The following MFAP5 variants were observed in gnomAD, a reference collection of about 807,000 sequenced individuals.
MFAP5 encodes microfibril associated protein 5.
MFAP5 carries 19 observed loss-of-function variants against 30.1 expected under a neutral mutation model. The observed-to-expected ratio is 0.63, with a 90% confidence interval of 0.44 to 0.93. MFAP5 has a LOEUF of 0.93. Among genes scored for constraint, MFAP5 ranks in the 40% least tolerant of loss-of-function variants. The pLI is 0.00. For missense variants in MFAP5, 210 were observed against 221.3 expected, an observed-to-expected ratio of 0.95 and a Z score of 0.32; for synonymous variants, 92 against 72.9, an observed-to-expected ratio of 1.26 and a Z score of -1.33.
At chr12:8,653,138 G>A (rs1301642248) in intron 6 of MFAP5, among the ~76,000 whole-genome samples, 2 of 150,918 alleles carry the variant, frequency 1.3e-5, no homozygotes, top group South Asian at 2.1e-4. Flanking sequence ...GTTGCAGTGA[G>A]CCAAGATCGC....
At chr12:8,654,153 C>A in intron 6 of MFAP5, 2 of 283,228 alleles carry the variant, frequency 7.1e-6, no homozygotes, top group Non-Finnish European at 6.5e-6. Flanking sequence ...AAAATTCAGT[C>A]AAAGCATTAC....
intron 6 of MFAP5, 158 bp from the exon 7 acceptor site, chr12:8,651,849 AG>A: frequency 1.5e-6 from 1 of 656,198 alleles, no homozygotes; most frequent in East Asian, 2.7e-5. Context: ...ACCCTTATTG[AG>A]CTGATTTGCT....
At chr12:8,656,291 G>A (rs371572388) in intron 3 of MFAP5, among the ~76,000 whole-genome samples, 10 of 151,562 alleles carry the variant, frequency 6.6e-5, no homozygotes, top group African/African-American at 2.2e-4. Context: ...CTCGTGAACC[G>A]CCCCCCTCGG....
chr12:8,650,621 G>A (rs1466010847), intron 7 of MFAP5, 32 bp from the exon 8 acceptor site: 12 of 1,573,834 alleles, frequency 7.6e-6, no homozygotes, highest in Admixed American at 6.7e-5. Context: ...AAATAAGGAG[G>A]TCCAAATAGA....
At position 8,651,109 on chromosome 12, in the gene MFAP5, G is replaced by C. The variant is rs979470763; in HGVS notation, c.248-520C>G. On this transcript the variant is annotated intron_variant, in intron 7 of 9. Coordinates refer to ENST00000359478, the MANE Select transcript of MFAP5 (RefSeq NM_003480.4). ...TTCAACCTGGGAGGCGGAGGTTGCA[G>C]TGAGCCAAGATCACGCCACTGCACT... is the stretch of plus-strand genomic sequence containing the variant. 2.6e-5 allele frequency among the ~76,000 whole-genome samples: 4 copies of C among 152,274 alleles called. 1 individual carries two copies. In the Middle Eastern group the frequency reaches 0.014, roughly 518 times the overall value.
rs1217323378 is a variant in MFAP5 at position 8,656,665 on chromosome 12, TA to T, written c.95-836del. ...ACACACACACATATATATATATATA[TA>T]TATTTTTTTTTTTTGAGACAGAGTC... On this transcript the variant is annotated intron_variant, in intron 3 of 9. Coordinates refer to ENST00000359478, the MANE Select transcript of MFAP5 (RefSeq NM_003480.4). 4.2e-4 allele frequency among the ~76,000 whole-genome samples: 51 copies of T among 122,714 alleles called. 2 individuals are homozygous for T. Among genetic ancestry groups the T allele is most frequent in the South Asian group, 9.6e-4 (4 of 4,166 alleles). The allele number at this position is 122,714 out of a possible 152,430, so 80.5% of individuals were successfully genotyped here.
chr12:8,648,267 G>C, intron 9 of MFAP5, 64 bp from the exon 10 acceptor site: 1 of 1,381,470 alleles, frequency 7.2e-7, no homozygotes, highest in Non-Finnish European at 1.0e-6. Flanking sequence ...CTTGTTTTAA[G>C]GGATAGAGAA....
intron 6 of MFAP5, among the ~76,000 whole-genome samples, chr12:8,652,481 G>T (rs1343831134): frequency 2.1e-5 from 3 of 145,162 alleles, no homozygotes; most frequent in East Asian, 4.1e-4. Flanking sequence ...AATAAATAAA[G>T]AATAATGAGA....
Position 8,656,499 on chromosome 12 carries a change from T to C in MFAP5, c.95-669A>G, listed in dbSNP as rs868611035. Among the ~76,000 whole-genome samples, 141 of 138,458 alleles carry C rather than the reference T, an allele frequency of 1.0e-3. 1 individual carries two copies. The highest frequency in any genetic ancestry group is 8.2e-3 in the Middle Eastern group (2 of 244). 90.8% of individuals were successfully genotyped at this position (138,458 alleles called of 152,430 possible). ...CTCGGCTCACTGCAACCTCCGCCTCTTGGGTTCAAGCAATTTTCGTACCTC... is the reference window on the plus strand; with the variant it reads ...CTCGGCTCACTGCAACCTCCGCCTCCTGGGTTCAAGCAATTTTCGTACCTC... On this transcript the variant is annotated intron_variant, in intron 3 of 9. Transcript: ENST00000359478.
intron 6 of MFAP5, among the ~76,000 whole-genome samples, chr12:8,652,199 C>A (rs927638547): frequency 6.6e-6 from 1 of 152,096 alleles, no homozygotes. Context: ...AATCCCAGCA[C>A]TTTGGGAGGC....
At chr12:8,650,397 G>T in intron 8 of MFAP5, 105 bp downstream of exon 8, 1 of 1,038,914 alleles carries the variant, frequency 9.6e-7, no homozygotes, top group Non-Finnish European at 1.5e-6. Context: ...TAAAAACTTT[G>T]GCCCCATCAA....
chr12:8,656,625 T>TACACACACACACACACACACACAC (rs1223209541), intron 3 of MFAP5, among the ~76,000 whole-genome samples: 2 of 121,290 alleles, frequency 1.6e-5, no homozygotes, highest in African/African-American at 7.3e-5. Flanking sequence ...TATACACACA[T>TACACACACACACACACACACACAC]ACACACACAC....
At chr12:8,650,459 A>G (rs376251723) in intron 8 of MFAP5, 43 bp downstream of exon 8, 458 of 1,578,418 alleles carry the variant, frequency 2.9e-4, no homozygotes, top group Middle Eastern at 1.7e-3. Flanking sequence ...ACACAGAAAC[A>G]CTACCATGGA....
chr12:8,651,895 A>AT (rs1941848318), intron 6 of MFAP5: 2 of 550,718 alleles, frequency 3.6e-6, no homozygotes, highest in East Asian at 3.0e-5. Flanking sequence ...GCAGGATGGG[A>AT]TTTTTTTCCT....
intron 3 of MFAP5, among the ~76,000 whole-genome samples, chr12:8,656,584 A>ATATACACACACACACACACACACG (rs1941995191): frequency 7.6e-6 from 1 of 131,212 alleles, no homozygotes. Flanking sequence ...ATATATATAT[A>ATATACACACACACACACACACACG]TATATATACA....
At chr12:8,660,728 CT>C (rs1942123343) in intron 3 of MFAP5, 134 bp downstream of exon 3, 9 of 754,788 alleles carry the variant, frequency 1.2e-5, no homozygotes, top group Non-Finnish European at 1.9e-5. Flanking sequence ...GGCAATGCAT[CT>C]CTTTGTTGTA....
chr12:8,658,392 A>G (rs1942060924), intron 3 of MFAP5: 1 of 152,004 alleles, frequency 6.6e-6, no homozygotes, highest in African/African-American at 2.4e-5. Flanking sequence ...TTAACCTTTC[A>G]CACTCATTAT....
chr12:8,662,101 A>G lies in MFAP5; in HGVS notation c.4T>C (p.Ser2Pro). 1.2e-6 allele frequency: 2 copies of G among 1,613,514 alleles called. No homozygotes were observed. The highest frequency in any genetic ancestry group is 1.7e-6 in the Non-Finnish European group (2 of 1,179,926). The change falls in exon 2 of 10, where the codon TCG becomes CCG. Residue 2 changes from serine (S) to proline (P), a missense_variant. Physicochemically the swap from Ser to Pro is moderately conservative, Grantham distance 74. Coordinates refer to ENST00000359478, the MANE Select transcript of MFAP5 (RefSeq NM_003480.4). ...AGCAGCACCTTGGGTCCCAAGAGCG[A>G]CATATCTATAGGGGTGGTGGGCATA... M[S>P]LLGPKVLLFL... is the part of the protein sequence containing the mutation.
rs775163759 is a variant in MFAP5, at chr12:8,649,577, G to A, written c.336-3C>T. Reference sequence around the variant, plus strand: ...TGACGATGTACATACGTCGTAAACTGCAGACGTCCCAGTGTCATAGGCAAG... The same window carrying A: ...TGACGATGTACATACGTCGTAAACTACAGACGTCCCAGTGTCATAGGCAAG... On this transcript the variant is annotated splice_polypyrimidine_tract_variant and splice_region_variant and intron_variant, in intron 8 of 9. Coordinates refer to ENST00000359478, the MANE Select transcript of MFAP5 (RefSeq NM_003480.4). The A allele has an allele frequency of 2.5e-6, 4 of 1,612,950 alleles. No individual in the cohort carries two copies. The highest frequency in any genetic ancestry group is 3.4e-6 in the Non-Finnish European group (4 of 1,179,300).
Sources: allele counts gnomAD v4.1 joint callset (sites outside exome capture counted in the v4.1 genomes callset), GRCh38; gene constraint gnomAD v4.1.1; transcripts MANE v1.5; gene names NCBI Gene and HGNC (gene_info 2026-07-23, HGNC 2026-07-21).